Variants in FNDC1 observed in about 807,000 individuals in gnomAD.
FNDC1 encodes the protein fibronectin type III domain containing 1.
A neutral mutation model predicts 168.0 loss-of-function variants in FNDC1; 96 were observed. The ratio of observed to expected loss-of-function variants is 0.57; its 90% CI spans 0.48 to 0.68. The LOEUF is 0.68. FNDC1 is among the 30% of genes least tolerant of loss of function. The pLI is 0.00. For missense variants in FNDC1, 2,587 were observed against 2,482.1 expected (o/e 1.04, Z -0.90); for synonymous variants, 1,099 against 1,025.9 (o/e 1.07, Z -1.36).
In FNDC1 at chr6:159,233,603, C is replaced by T. The variant is rs1386095241; in HGVS notation, c.3091C>T (p.Pro1031Ser). The change falls in exon 11 of 23, where the codon CCC (proline) becomes TCC (serine). Residue 1031 changes from proline (P) to serine (S), a missense_variant. Physicochemically the swap from Pro to Ser is moderately conservative, Grantham distance 74. Coordinates refer to ENST00000297267, the MANE Select transcript of FNDC1 (RefSeq NM_032532.3). This position sits in a 1 kb window ranked among gnomAD's most constrained non-coding sequence, Gnocchi z 4.6. ...SRDAGRSPSQ[P>S]RLSLTQAGRP... ...AGACGCGGGTCGGTCACCTTCCCAG[C>T]CCAGGCTCTCACTGACCCAGGCCGG... 3.8e-6 allele frequency: 6 copies of T among 1,577,382 alleles called. No individual in the cohort carries two copies. The highest frequency in any genetic ancestry group is 1.7e-4 in the Middle Eastern group (1 of 6,022).
intron 15 of FNDC1, 104 bp from the exon 16 acceptor site, chr6:159,248,935 G>A (rs1046394606): frequency 9.3e-7 from 1 of 1,074,146 alleles, no homozygotes; most frequent in Admixed American, 2.8e-5. Flanking sequence ...CTGTCTGTCT[G>A]TCTGGGTTTC....
intron 2 of FNDC1, among the ~76,000 whole-genome samples, chr6:159,198,816 A>C (rs1164979276): frequency 6.6e-6 from 1 of 152,246 alleles, no homozygotes; most frequent in African/African-American, 2.4e-5. Flanking sequence ...CTCAGAGTAA[A>C]GAGAGAAAGT....
At position 159,170,767 on chromosome 6, in the gene FNDC1, G is replaced by A. The variant is rs767096068; in HGVS notation, c.109+1062G>A. Reference sequence around the variant, plus strand: ...CCCAATGCTTGGCTCAGGTTTATGCGAGGTATTCTGATGCCAATGCCACTT... The same window carrying A: ...CCCAATGCTTGGCTCAGGTTTATGCAAGGTATTCTGATGCCAATGCCACTT... On this transcript the variant is annotated intron_variant, in intron 1 of 22. Coordinates refer to ENST00000297267, the MANE Select transcript of FNDC1 (RefSeq NM_032532.3). 2.6e-5 allele frequency among the ~76,000 whole-genome samples: 4 copies of A among 152,136 alleles called. No individual in the cohort carries two copies. The South Asian group carries it at 6.2e-4, about 24-fold the overall frequency.
At chr6:159,228,221 A>G (rs1216075357) in intron 9 of FNDC1, among the ~76,000 whole-genome samples, 1 of 152,250 alleles carries the variant, frequency 6.6e-6, no homozygotes, top group Non-Finnish European at 1.5e-5. Context: ...AATAACAGAT[A>G]CTGAGTTTTT....
chr6:159,220,586 A>G (rs987827376), intron 5 of FNDC1, among the ~76,000 whole-genome samples: 4 of 152,192 alleles, frequency 2.6e-5, no homozygotes, highest in African/African-American at 9.6e-5. Flanking sequence ...TTATGTTCTT[A>G]TTTGTAAGAT....
In FNDC1 at chr6:159,271,288, G is replaced by A. The variant is rs376616231; in HGVS notation, c.5570-39G>A. The A allele has an allele frequency of 2.3e-5, 33 of 1,435,788 alleles. No individual in the cohort carries two copies. In the African/African-American group the frequency reaches 4.3e-4, roughly 18 times the overall value. The allele number at this position is 1,435,788 out of a possible 1,614,324, so 88.9% of individuals were successfully genotyped here. A position where few individuals can be genotyped will look rare whatever the true frequency, so the allele number is the denominator to read the frequency against. On this transcript the variant is annotated intron_variant, in intron 22 of 22. Transcript: ENST00000297267. ...GATGAGTTCTACCTGTTGGTTCAGG[G>A]GCCTCTGACGCTTTTCCCCTCTCCT...
At chr6:159,269,357 C>CTATCTATCTATCTATT (rs1777677756) in intron 22 of FNDC1, among the ~76,000 whole-genome samples, 1 of 95,344 alleles carries the variant, frequency 1.0e-5, no homozygotes, top group Non-Finnish European at 2.7e-5. Flanking sequence ...ATTTGTTTAT[C>CTATCTATCTATCTATT]TAGGTATCCA....
chr6:159,257,329 T>C (rs1255977199), intron 18 of FNDC1, among the ~76,000 whole-genome samples: 3 of 152,190 alleles, frequency 2.0e-5, no homozygotes, highest in Non-Finnish European at 4.4e-5. Flanking sequence ...ACTGGCTCTC[T>C]GGGAAAAAAC....
In FNDC1 at chr6:159,174,720, G is replaced by C. The variant is rs1041613580; in HGVS notation, c.109+5015G>C. Among the ~76,000 whole-genome samples the C allele has an allele frequency of 2.0e-5, 3 of 152,376 alleles. No homozygotes were observed. The East Asian group carries it at 5.8e-4, about 29-fold the overall frequency. On this transcript the variant is annotated intron_variant, in intron 1 of 22. Coordinates refer to ENST00000297267, the MANE Select transcript of FNDC1 (RefSeq NM_032532.3). ...ATTCAAATAAGCACTGATGAGAAAG[G>C]AAATTGCCTAGACCTGCAGCTGGGG...
chr6:159,260,188 T>C (rs746164126), intron 18 of FNDC1, among the ~76,000 whole-genome samples: 1 of 152,188 alleles, frequency 6.6e-6, no homozygotes, highest in Non-Finnish European at 1.5e-5. Context: ...ATTCTTTACC[T>C]CTCTCTTCAT....
In FNDC1 at chr6:159,258,945, G is replaced by T. The variant is rs535478099; in HGVS notation, c.5175-2245G>T. Among the ~76,000 whole-genome samples, 29 of 152,346 alleles carry T rather than the reference G, an allele frequency of 1.9e-4. No individual in the cohort carries two copies. The South Asian group carries it at 5.8e-3, about 30-fold the overall frequency. On this transcript the variant is annotated intron_variant, in intron 18 of 22. Transcript: ENST00000297267. ...CCAAAAGAGGGGCCAGGGCATAAAA[G>T]TGAGCTTTGGTTATTTACAATTGGA...
intron 17 of FNDC1, among the ~76,000 whole-genome samples, chr6:159,254,962 C>G (rs1055483160): frequency 6.6e-6 from 1 of 152,172 alleles, no homozygotes; most frequent in Non-Finnish European, 1.5e-5. Context: ...AGATGCTGTG[C>G]TCATCTAAGC....
chr6:159,231,734 C>T, intron 10 of FNDC1, 148 bp from the exon 11 acceptor site: 3 of 600,584 alleles, frequency 5.0e-6, no homozygotes, highest in African/African-American at 1.9e-5. Flanking sequence ...TGAGAAAACA[C>T]GTTTCCAGTG....
intron 5 of FNDC1, among the ~76,000 whole-genome samples, chr6:159,219,043 C>T (rs1243283800): frequency 3.3e-5 from 4 of 120,724 alleles, no homozygotes; most frequent in Non-Finnish European, 5.0e-5. Context: ...TTCAGTTTCC[C>T]CTCTTTTTTT....
At chr6:159,206,746 C>CA (rs952399148) in intron 4 of FNDC1, among the ~76,000 whole-genome samples, 17 of 149,894 alleles carry the variant, frequency 1.1e-4, no homozygotes, top group African/African-American at 2.7e-4. Flanking sequence ...GGGCCTGGGC[C>CA]AAAAAAAAAG....
Position 159,232,237 on chromosome 6 carries a change from G to T in FNDC1, c.1725G>T (p.Ser575=). 2 of 1,612,104 alleles carry T rather than the reference G, an allele frequency of 1.2e-6. No individual in the cohort carries two copies. The highest frequency in any genetic ancestry group is 1.3e-5 in the African/African-American group (1 of 75,000). Residue 575 remains serine (S), a synonymous_variant, in exon 11 of 23, where the codon TCG becomes TCT. Transcript: ENST00000297267. This position sits in a 1 kb window ranked among gnomAD's most constrained non-coding sequence, Gnocchi z 4.9. ...TLRPPSRHGH[S]VVAPGRTAVR... ...GGCCGCCAAGTAGACACGGCCACTC[G>T]GTGGTTGCTCCCGGCAGGACTGCAG... is the stretch of plus-strand genomic sequence containing the variant.
intron 1 of FNDC1, chr6:159,170,026 C>A (rs1781619156): frequency 6.2e-6 from 1 of 161,456 alleles, no homozygotes; most frequent in Non-Finnish European, 1.3e-5. Flanking sequence ...AGCGTGCGGA[C>A]TGGGGTAATG....
chr6:159,269,627 C>A (rs1777701040), intron 22 of FNDC1, among the ~76,000 whole-genome samples: 4 of 150,980 alleles, frequency 2.6e-5, no homozygotes, highest in Admixed American at 2.6e-4. Context: ...ATCTATCTAT[C>A]TATCTATCTA....
intron 1 of FNDC1, among the ~76,000 whole-genome samples, chr6:159,172,050 G>C (rs529562205): frequency 6.6e-6 from 1 of 152,260 alleles, no homozygotes; most frequent in African/African-American, 2.4e-5. Flanking sequence ...GGGGGACTTT[G>C]CAGTTAAAAA....
Sources: gnomAD v4.1 joint callset for allele counts (sites outside exome capture counted in the v4.1 genomes callset) on GRCh38, gnomAD v4.1.1 for gene constraint, Gnocchi (gnomAD v3.1) non-coding constraint, MANE v1.5 for transcripts, NCBI Gene and HGNC (gene_info 2026-07-23, HGNC 2026-07-21) for gene names.